DPP10: variants seen among roughly 807,000 people sequenced by gnomAD.
The protein encoded by DPP10 is inactive dipeptidyl peptidase 10.
A neutral mutation model predicts 120.9 loss-of-function variants in DPP10; 33 were observed. The ratio of observed to expected loss-of-function variants is 0.27; its 90% CI spans 0.21 to 0.37. DPP10 has a LOEUF of 0.37. Among genes scored for constraint, DPP10 ranks in the 10% least tolerant of loss-of-function variants. The pLI is 1.00. For missense variants in DPP10, 816 were observed against 942.8 expected (o/e 0.87, Z 1.76); for synonymous variants, 337 against 326.1 (o/e 1.03, Z -0.36).
chr2:114,857,546 C>T (rs916248226), intron 1 of DPP10, among the ~76,000 whole-genome samples: 1 of 152,194 alleles, frequency 6.6e-6, no homozygotes. Context: ...GCTCCATGCT[C>T]TGTAGTTCAC....
intron 1 of DPP10, among the ~76,000 whole-genome samples, chr2:115,214,085 G>T (rs1272170860): frequency 6.6e-6 from 1 of 152,214 alleles, no homozygotes; most frequent in South Asian, 2.1e-4. Flanking sequence ...GTGGGTTGGG[G>T]TTGGGAAGCA....
At chr2:114,971,258 C>T (rs10460469) in intron 1 of DPP10, among the ~76,000 whole-genome samples, 39,043 of 151,956 alleles carry the variant, frequency 0.26, 5,081 homozygotes, top group East Asian at 0.35. Flanking sequence ...TTGCTAGTCA[C>T]TTTCACAAAG....
chr2:115,420,857 G>A (rs902890493), intron 3 of DPP10, among the ~76,000 whole-genome samples: 1 of 152,172 alleles, frequency 6.6e-6, no homozygotes, highest in African/African-American at 2.4e-5. Context: ...TAAGAACACA[G>A]AGGAAAATAT....
chr2:115,742,560 G>A (rs912062433), intron 9 of DPP10, among the ~76,000 whole-genome samples: 1 of 152,036 alleles, frequency 6.6e-6, no homozygotes, highest in African/African-American at 2.4e-5. Flanking sequence ...ACCTACCCAG[G>A]TACTTAAGAC....
intron 3 of DPP10, among the ~76,000 whole-genome samples, chr2:115,382,421 G>A (rs929700395): frequency 3.9e-5 from 6 of 152,116 alleles, no homozygotes; most frequent in African/African-American, 7.2e-5. Flanking sequence ...TTCGGCTCGC[G>A]CACAGTGCGC....
At chr2:115,094,105 G>A (rs1281011738) in intron 1 of DPP10, among the ~76,000 whole-genome samples, 2 of 152,186 alleles carry the variant, frequency 1.3e-5, no homozygotes, top group African/African-American at 2.4e-5. Flanking sequence ...GTAATGAAAT[G>A]TGAGTGACGG....
chr2:114,821,639 A>G (rs1686094462), intron 1 of DPP10, among the ~76,000 whole-genome samples: 1 of 152,172 alleles, frequency 6.6e-6, no homozygotes. Context: ...TGAGTCTAAA[A>G]CAAAAAGGAA....
At chr2:114,938,713 C>T (rs190877119) in intron 1 of DPP10, among the ~76,000 whole-genome samples, 86 of 143,828 alleles carry the variant, frequency 6.0e-4, no homozygotes, top group Admixed American at 2.3e-3. Flanking sequence ...GCAAATTGCC[C>T]ATTTACACTT....
At chr2:115,808,249 A>T (rs937633520) in intron 19 of DPP10, among the ~76,000 whole-genome samples, 1 of 152,228 alleles carries the variant, frequency 6.6e-6, no homozygotes, top group Admixed American at 6.5e-5. Flanking sequence ...CTACTAGAAT[A>T]ATAAAGAGAT....
chr2:114,919,326 C>T (rs1399439632), intron 1 of DPP10, among the ~76,000 whole-genome samples: 1 of 152,186 alleles, frequency 6.6e-6, no homozygotes, highest in African/African-American at 2.4e-5. Context: ...CTATAATTCA[C>T]AAGCATGTTA....
At chr2:115,562,125 C>A (rs1274985118) in intron 5 of DPP10, among the ~76,000 whole-genome samples, 1 of 152,158 alleles carries the variant, frequency 6.6e-6, no homozygotes, top group East Asian at 1.9e-4. Flanking sequence ...CATATCTCAC[C>A]TTTTCTGCTT....
intron 21 of DPP10, among the ~76,000 whole-genome samples, chr2:115,817,832 A>C (rs191421687): frequency 5.3e-4 from 80 of 152,280 alleles, no homozygotes; most frequent in Admixed American, 5.2e-3. Context: ...CCAGTCACAG[A>C]AGGACAAATA....
At chr2:114,570,024 T>C (rs1689502430) in intron 1 of DPP10, among the ~76,000 whole-genome samples, 1 of 152,202 alleles carries the variant, frequency 6.6e-6, no homozygotes, top group African/African-American at 2.4e-5. Flanking sequence ...AACTAGTCTC[T>C]GTGTTTCTTT....
Position 115,222,871 on chromosome 2 carries a change from T to C in DPP10, c.61-86368T>C, listed in dbSNP as rs539000665. Reference sequence around the variant, plus strand: ...ATTGTCTATAATTCCACTGACTTTTTTTTCTAAAGAGCATTATTAAAAAAA... The same window carrying C: ...ATTGTCTATAATTCCACTGACTTTTCTTTCTAAAGAGCATTATTAAAAAAA... On this transcript the variant is annotated intron_variant, in intron 1 of 25. Coordinates refer to ENST00000410059, the MANE Select transcript of DPP10 (RefSeq NM_020868.6). Among the ~76,000 whole-genome samples the C allele has an allele frequency of 4.1e-4, 63 of 152,288 alleles. 1 individual carries two copies. The South Asian group carries it at 6.4e-3, about 16-fold the overall frequency.
intron 5 of DPP10, among the ~76,000 whole-genome samples, chr2:115,600,608 T>C (rs1174215015): frequency 6.6e-6 from 1 of 152,240 alleles, no homozygotes; most frequent in African/African-American, 2.4e-5. Flanking sequence ...GCGTAGCTCA[T>C]TCACATTTAA....
chr2:114,931,139 C>T (rs1696039101), intron 1 of DPP10, among the ~76,000 whole-genome samples: 1 of 152,226 alleles, frequency 6.6e-6, no homozygotes, highest in African/African-American at 2.4e-5. Context: ...CGTTCCAAAA[C>T]CACTTCCACA....
intron 1 of DPP10, among the ~76,000 whole-genome samples, chr2:114,590,589 T>C (rs1691382256): frequency 6.6e-6 from 1 of 152,218 alleles, no homozygotes; most frequent in African/African-American, 2.4e-5. Flanking sequence ...TGCTTTGTAA[T>C]GTTTGTCAGT....
chr2:114,641,279 C>T (rs551275673), intron 1 of DPP10, among the ~76,000 whole-genome samples: 56 of 152,124 alleles, frequency 3.7e-4, no homozygotes, highest in Middle Eastern at 3.4e-3. Context: ...CACTGATCAA[C>T]TCCGACCTTT....
intron 1 of DPP10, among the ~76,000 whole-genome samples, chr2:114,820,810 G>C: frequency 6.6e-6 from 1 of 152,220 alleles, no homozygotes; most frequent in East Asian, 1.9e-4. Context: ...AACTGGCGAT[G>C]AGATTTGGGT....
Sources: gnomAD v4.1 joint callset for allele counts (sites outside exome capture counted in the v4.1 genomes callset) on GRCh38, gnomAD v4.1.1 for gene constraint, MANE v1.5 for transcripts, NCBI Gene and HGNC (gene_info 2026-07-23, HGNC 2026-07-21) for gene names.